Variants in HIP1 observed in about 807,000 individuals in gnomAD.
HIP1 encodes the protein huntingtin-interacting protein 1.
A neutral mutation model predicts 147.6 loss-of-function variants in HIP1; 65 were observed. The ratio of observed to expected loss-of-function variants is 0.44; its 90% confidence interval spans 0.36 to 0.54. The LOEUF is 0.54. HIP1 is among the 20% of genes least tolerant of loss of function. The probability of loss-of-function intolerance (pLI) is 0.00; values close to 1 mark genes in which losing one functional copy is unlikely to be tolerated. For missense variants in HIP1, 1,061 were observed against 1,299.6 expected (o/e 0.82, Z 2.82); for synonymous variants, 479 against 504.0 (o/e 0.95, Z 0.67).
intron 5 of HIP1, among the ~76,000 whole-genome samples, chr7:75,584,255 C>T (rs2696200): frequency 0.25 from 38,493 of 151,644 alleles, 5,170 homozygotes; most frequent in African/African-American, 0.34. Context: ...TGAGCCACCG[C>T]GCCTGGCCAA....
At position 75,533,379 on chromosome 7, in the gene HIP1, A is replaced by G. The variant is rs1357789556; in HGVS notation, c.*4793T>C. On this transcript the variant is annotated 3_prime_UTR_variant, in exon 31 of 31. Transcript: ENST00000336926. ...CAAAGAAAGGTCTTAATACCATAAT[A>G]AAAGTATTGTTGGAGGGAAACAGAA... The G allele has an allele frequency of 8.8e-6, 2 of 227,238 alleles. No individual in the cohort carries two copies. Among genetic ancestry groups the G allele is most frequent in the African/African-American group, 4.4e-5 (2 of 44,986 alleles). 14.1% of individuals were successfully genotyped at this position (227,238 alleles called of 1,614,324 possible).
At chr7:75,689,738 G>A (rs1464743845) in intron 1 of HIP1, among the ~76,000 whole-genome samples, 1 of 152,124 alleles carries the variant, frequency 6.6e-6, no homozygotes, top group Non-Finnish European at 1.5e-5. Context: ...ATTGTTGAAA[G>A]AGGTACTCCG....
At chr7:75,551,590 A>C (rs1475082239) in intron 22 of HIP1, among the ~76,000 whole-genome samples, 6 of 151,904 alleles carry the variant, frequency 3.9e-5, no homozygotes, top group African/African-American at 1.2e-4. Flanking sequence ...GGTTCACTGC[A>C]GGTGAACCAC....
chr7:75,683,906 C>G lies in HIP1; in HGVS notation c.120+54895G>C, dbSNP rs145100781. 3.3e-4 allele frequency among the ~76,000 whole-genome samples: 12 copies of G among 36,562 alleles called. No individual in the cohort carries two copies. The East Asian group carries it at 9.7e-3, about 30-fold the overall frequency. The allele number at this position is 36,562 out of a possible 152,430, so 24.0% of individuals were successfully genotyped here. ...AGCCAACCAGCTACATGAATTTGAA[C>G]AAGCTAAGTAGTTCTCTGGAATCCT... On this transcript the variant is annotated intron_variant, in intron 1 of 30. Transcript: ENST00000336926.
intron 1 of HIP1, among the ~76,000 whole-genome samples, chr7:75,673,587 C>T (rs532386299): frequency 2.0e-5 from 3 of 152,160 alleles, no homozygotes; most frequent in African/African-American, 7.2e-5. Flanking sequence ...ACAAGTATTG[C>T]ACATCTTTGG....
chr7:75,595,231 T>TTC (rs1330202196), intron 2 of HIP1, among the ~76,000 whole-genome samples: 92 of 106,126 alleles, frequency 8.7e-4, no homozygotes, highest in African/African-American at 3.6e-3. Context: ...TTTCTTTCTT[T>TTC]CTTTCTTTCT....
rs949121375 is a variant in HIP1, at chr7:75,576,455, C to T, written c.605-2554G>A. Among the ~76,000 whole-genome samples, 3 of 152,352 alleles carry T rather than the reference C, an allele frequency of 2.0e-5. No individual in the cohort carries two copies. In the East Asian group the frequency reaches 5.8e-4, roughly 29 times the overall value. On this transcript the variant is annotated intron_variant, in intron 7 of 30. Transcript: ENST00000336926. Reference sequence around the variant, plus strand: ...TCCCCCGTTAGGCCAGGTGCTGTGGCTCATGCCTGTAATCCCAGCACTTTG... The same window carrying T: ...TCCCCCGTTAGGCCAGGTGCTGTGGTTCATGCCTGTAATCCCAGCACTTTG...
chr7:75,633,208 A>G (rs1281921956), intron 1 of HIP1, among the ~76,000 whole-genome samples: 1 of 152,158 alleles, frequency 6.6e-6, no homozygotes, highest in African/African-American at 2.4e-5. Flanking sequence ...ATGTGCATGC[A>G]TAAGATACAA....
intron 1 of HIP1, among the ~76,000 whole-genome samples, chr7:75,730,734 ATT>A (rs782732504): frequency 1.5e-4 from 21 of 138,864 alleles, no homozygotes; most frequent in Non-Finnish European, 9.4e-5. Flanking sequence ...GTGGGCAGTA[ATT>A]TTTTTTTTTT....
chr7:75,602,999 G>C (rs1425140971), intron 1 of HIP1, among the ~76,000 whole-genome samples: 1 of 151,928 alleles, frequency 6.6e-6, no homozygotes, highest in African/African-American at 2.4e-5. Context: ...GATGAGTGAT[G>C]AGTCTACAAG....
chr7:75,542,881 T>C lies in HIP1; in HGVS notation c.2860A>G (p.Ile954Val). ...TCTTCGATCTGTGATTTGCCGGAAA[T>C]GGTTGAGGCCACAACGCCGGCAGTG... ...QATAGVVASTISGKSQIEETD... is the reference protein window; with the variant it reads ...QATAGVVASTVSGKSQIEETD... The change falls in exon 28 of 31, where the codon ATT becomes GTT. Residue 954 changes from isoleucine (I) to valine (V), a missense_variant. Around this residue, in one of 3 missense-constraint regions of HIP1, gnomAD observed 810 missense variants for 946.8 expected, o/e 0.86. Transcript: ENST00000336926. 1 of 1,613,970 alleles carries C rather than the reference T, an allele frequency of 6.2e-7. No homozygotes were observed. Among genetic ancestry groups the C allele is most frequent in the Non-Finnish European group, 8.5e-7 (1 of 1,179,982 alleles).
intron 1 of HIP1, among the ~76,000 whole-genome samples, chr7:75,662,339 A>C (rs1344247425): frequency 6.6e-6 from 1 of 151,830 alleles, no homozygotes; most frequent in Admixed American, 6.6e-5. Flanking sequence ...CTGCACCACC[A>C]CGCCCAGCTA....
At chr7:75,576,860 A>G (rs1795863563) in intron 7 of HIP1, among the ~76,000 whole-genome samples, 1 of 152,244 alleles carries the variant, frequency 6.6e-6, no homozygotes, top group Admixed American at 6.5e-5. Flanking sequence ...ACAATGATGA[A>G]AATGTTCATA....
At chr7:75,662,741 A>G (rs2079206) in intron 1 of HIP1, among the ~76,000 whole-genome samples, 75,310 of 151,898 alleles carry the variant, frequency 0.5, 19,683 homozygotes, top group African/African-American at 0.66. Flanking sequence ...CCTGACCTCA[A>G]ATGATCCATC....
At chr7:75,619,088 T>C (rs1797758541) in intron 1 of HIP1, among the ~76,000 whole-genome samples, 1 of 152,048 alleles carries the variant, frequency 6.6e-6, no homozygotes, top group Admixed American at 6.6e-5. Flanking sequence ...GTACCCCGAG[T>C]TTGTACACAC....
At chr7:75,546,392 C>T (rs1167152731) in intron 25 of HIP1, among the ~76,000 whole-genome samples, 2 of 152,188 alleles carry the variant, frequency 1.3e-5, no homozygotes, top group Non-Finnish European at 2.9e-5. Flanking sequence ...GCACCGTTCT[C>T]AGGCTCATTA....
At chr7:75,605,227 T>C (rs1027490938) in intron 1 of HIP1, among the ~76,000 whole-genome samples, 4 of 152,132 alleles carry the variant, frequency 2.6e-5, no homozygotes, top group Non-Finnish European at 5.9e-5. Context: ...CGCTCTGTAC[T>C]GTGGAGGGGT....
chr7:75,603,545 A>G (rs1448096551), intron 1 of HIP1, among the ~76,000 whole-genome samples: 3 of 152,022 alleles, frequency 2.0e-5, no homozygotes, highest in African/African-American at 7.2e-5. Context: ...CCTACAGCAC[A>G]TGATTTGGGG....
chr7:75,571,143 C>G (rs587635502), intron 8 of HIP1, among the ~76,000 whole-genome samples: 3 of 55,888 alleles, frequency 5.4e-5, no homozygotes, highest in Non-Finnish European at 9.5e-5. Context: ...CCTTTAAACC[C>G]AAACACTTAT....
Sources: gnomAD v4.1 joint callset for allele counts (sites outside exome capture counted in the v4.1 genomes callset) on GRCh38, gnomAD v4.1.1 for gene constraint, gnomAD v4.1.1 regional missense constraint, MANE v1.5 for transcripts, NCBI Gene and HGNC (gene_info 2026-07-23, HGNC 2026-07-21) for gene names.